The following CYP4F12 variants were observed in gnomAD, a reference collection of about 807,000 sequenced individuals.
The protein encoded by CYP4F12 is cytochrome P450 family 4 subfamily F member 12, also known as cytochrome P450 4F12.
A neutral mutation model predicts 56.5 loss-of-function variants in CYP4F12; 60 were observed. The ratio of observed to expected loss-of-function variants is 1.06; its 90% CI spans 0.86 to 1.32. CYP4F12 has a LOEUF of 1.32. Among genes scored for constraint, CYP4F12 ranks in the 40% most tolerant of loss-of-function variants. The probability of loss-of-function intolerance (pLI) is 0.00; values close to 1 mark genes in which losing one functional copy is unlikely to be tolerated. For synonymous variants in CYP4F12, 263 were observed against 264.9 expected, an observed-to-expected ratio of 0.99 and a Z score of 0.07; for missense variants, 711 against 683.5, an observed-to-expected ratio of 1.04 and a Z score of -0.45.
chr19:15,695,217 T>C (rs952579309), intron 9 of CYP4F12, among the ~76,000 whole-genome samples: 10 of 151,724 alleles, frequency 6.6e-5, no homozygotes, highest in Non-Finnish European at 1.0e-4. Context: ...ATGGATGAAA[T>C]TGGAAATCAT....
At chr19:15,693,707 T>C (rs1431679898) in intron 9 of CYP4F12, among the ~76,000 whole-genome samples, 1 of 151,084 alleles carries the variant, frequency 6.6e-6, no homozygotes, top group East Asian at 1.9e-4. Context: ...ATCCCATTTG[T>C]CAATTTTGGC....
Position 15,683,582 on chromosome 19 carries a change from T to C in CYP4F12, c.737T>C (p.Leu246Pro). ...CATATCCTCCAGCACATGGACTTTC[T>C]GTATTACCTCTCCCATGACGGGCGG... The part of the protein sequence containing the change: ...SQHILQHMDF[L>P]YYLSHDGRRF... The change falls in exon 7 of 13, where the codon CTG becomes CCG. Residue 246 changes from leucine (L) to proline (P), a missense_variant. Transcript: ENST00000550308. The C allele has an allele frequency of 4.3e-6, 7 of 1,614,180 alleles. No individual in the cohort carries two copies. Among genetic ancestry groups the C allele is most frequent in the Non-Finnish European group, 5.9e-6 (7 of 1,180,014 alleles).
Position 15,680,547 on chromosome 19 carries a change from A to C in CYP4F12, c.525+28A>C, listed in dbSNP as rs553958185. ...GAGTCCCTTGAAGTCTGGGTCCCAG[A>C]TGGAGTCTTGGGGTGGAGGGACCAT... On this transcript the variant is annotated intron_variant, in intron 5 of 12. Coordinates refer to ENST00000550308, the MANE Select transcript of CYP4F12 (RefSeq NM_023944.4). 21 of 1,613,944 alleles carry C rather than the reference A, an allele frequency of 1.3e-5. No homozygotes were observed. In the African/African-American group the frequency reaches 2.4e-4, roughly 18 times the overall value.
chr19:15,675,232 C>G (rs1396476393), intron 2 of CYP4F12, among the ~76,000 whole-genome samples: 1 of 78,974 alleles, frequency 1.3e-5, no homozygotes, highest in Non-Finnish European at 2.6e-5. Flanking sequence ...GGGACCGGCC[C>G]TCCCCTTTGG....
intron 5 of CYP4F12, chr19:15,680,975 T>A (rs1599957293): frequency 3.5e-6 from 1 of 282,458 alleles, no homozygotes; most frequent in Admixed American, 5.0e-5. Context: ...TCATTCACGT[T>A]TGGGGCTTCA....
chr19:15,685,415 A>T (rs115705288), intron 9 of CYP4F12, among the ~76,000 whole-genome samples: 1 of 152,210 alleles, frequency 6.6e-6, no homozygotes, highest in Non-Finnish European at 1.5e-5. Context: ...AGAATTGGTG[A>T]CAATGTGTGA....
chr19:15,696,885 A>T, intron 12 of CYP4F12, 23 bp from the exon 13 acceptor site: 1 of 1,598,170 alleles, frequency 6.3e-7, no homozygotes, highest in Non-Finnish European at 8.5e-7. Context: ...GGGCACAGTC[A>T]CAGTCCCCAC....
rs368444463 is a variant in CYP4F12 at position 15,683,484 on chromosome 19, G to A, written c.648-9G>A. ...CATTGTTGCCTCCCTTTCTGCCCTTGCTCTGCAGGAGGCCCAGTGAATATA... is the reference window on the plus strand; with the variant it reads ...CATTGTTGCCTCCCTTTCTGCCCTTACTCTGCAGGAGGCCCAGTGAATATA... On this transcript the variant is annotated splice_polypyrimidine_tract_variant and intron_variant, in intron 6 of 12. Coordinates refer to ENST00000550308, the MANE Select transcript of CYP4F12 (RefSeq NM_023944.4). 3.2e-4 allele frequency: 512 copies of A among 1,580,796 alleles called. 2 individuals are homozygous for A. The African/African-American group carries it at 6.4e-3, about 20-fold the overall frequency.
intron 2 of CYP4F12, among the ~76,000 whole-genome samples, chr19:15,677,128 T>TTC (rs1568414014): frequency 6.6e-5 from 6 of 90,266 alleles, no homozygotes; most frequent in African/African-American, 2.4e-4. Context: ...CACTCATTCA[T>TTC]ATCCTCACTC....
intron 6 of CYP4F12, 38 bp from the exon 7 acceptor site, chr19:15,683,455 G>A (rs374932729): frequency 6.7e-5 from 103 of 1,547,284 alleles, no homozygotes; most frequent in Middle Eastern, 1.7e-4. Flanking sequence ...CTTTGCATAC[G>A]TTACATTGTT....
At chr19:15,675,894 A>G (rs2006897604) in intron 2 of CYP4F12, among the ~76,000 whole-genome samples, 1 of 152,316 alleles carries the variant, frequency 6.6e-6, no homozygotes, top group East Asian at 1.9e-4. Flanking sequence ...GCATGTATGT[A>G]TGGAGACAGA....
chr19:15,696,279 T>C, intron 11 of CYP4F12, 54 bp downstream of exon 11: 1 of 1,612,768 alleles, frequency 6.2e-7, no homozygotes, highest in Non-Finnish European at 8.5e-7. Context: ...TTTGTGTGTG[T>C]GTGTGTGAAT....
At position 15,683,176 on chromosome 19, in the gene CYP4F12, G is replaced by C. The variant is rs562328660; in HGVS notation, c.648-317G>C. 2.6e-5 allele frequency among the ~76,000 whole-genome samples: 4 copies of C among 152,280 alleles called. No individual in the cohort carries two copies. In the South Asian group the frequency reaches 8.3e-4, roughly 32 times the overall value. On this transcript the variant is annotated intron_variant, in intron 6 of 12. Transcript: ENST00000550308. The stretch of plus-strand genomic sequence containing the variant: ...TGAACTGGAAGAGGATGAAGTCTGA[G>C]TTGTGTGGACAGTTTTGGTAAGGAA...
chr19:15,695,314 G>A (rs12104240), intron 9 of CYP4F12, among the ~76,000 whole-genome samples: 41,064 of 144,432 alleles, frequency 0.28, 6,265 homozygotes, highest in African/African-American at 0.4. Context: ...GAGAACACAT[G>A]GACACAGGAA....
At position 15,680,475 on chromosome 19, in the gene CYP4F12, A is replaced by T; in HGVS notation, c.481A>T (p.Lys161Ter). The T allele has an allele frequency of 6.2e-7, 1 of 1,614,114 alleles. No individual in the cohort carries two copies. The highest frequency in any genetic ancestry group is 1.3e-5 in the African/African-American group (1 of 75,024). ...LTPAFHFNILKSYITIFNKSA... is the reference protein window; with the variant it reads ...LTPAFHFNIL ...GCCCGCCTTCCATTTCAACATCCTG[A>T]AGTCCTATATAACGATCTTCAACAA... Residue 161 changes from lysine (K) to a stop codon, truncating the protein, a stop_gained, in exon 5 of 13, where the codon AAG (lysine) becomes TAG (stop). Transcript: ENST00000550308. LOFTEE classifies it high-confidence loss of function.
At chr19:15,688,450 A>T (rs2007723468) in intron 9 of CYP4F12, among the ~76,000 whole-genome samples, 1 of 152,236 alleles carries the variant, frequency 6.6e-6, no homozygotes, top group Admixed American at 6.5e-5. Context: ...AGTGCTGGAC[A>T]AAACCATAGA....
chr19:15,692,867 A>T (rs944635490), intron 9 of CYP4F12, among the ~76,000 whole-genome samples: 1 of 152,064 alleles, frequency 6.6e-6, no homozygotes, highest in Non-Finnish European at 1.5e-5. Context: ...TGAGATCAGG[A>T]GTTCAAGACC....
At chr19:15,684,786 G>GTGTGTGTT (rs2007511968) in intron 7 of CYP4F12, 30 bp from the exon 8 acceptor site, 1 of 1,501,282 alleles carries the variant, frequency 6.7e-7, no homozygotes, top group South Asian at 1.1e-5. Flanking sequence ...GTGTGTGTGT[G>GTGTGTGTT]TGTGTGTGTG....
At chr19:15,686,886 G>T (rs993178286) in intron 9 of CYP4F12, among the ~76,000 whole-genome samples, 7 of 152,148 alleles carry the variant, frequency 4.6e-5, no homozygotes, top group African/African-American at 1.7e-4. Context: ...CCAAGCCTTT[G>T]CTCAGCACAG....
Sources: gnomAD v4.1 joint callset for allele counts (sites outside exome capture counted in the v4.1 genomes callset) on GRCh38, gnomAD v4.1.1 for gene constraint, MANE v1.5 for transcripts, NCBI Gene and HGNC (gene_info 2026-07-23, HGNC 2026-07-21) for gene names.